The following LRP1B variants were observed in gnomAD, a reference collection of about 807,000 sequenced individuals.
LRP1B encodes low-density lipoprotein receptor-related protein 1B.
Under a neutral mutation model 556.6 loss-of-function variants are expected in LRP1B, and 217 were observed. The ratio of observed to expected loss-of-function variants is 0.39; its 90% CI spans 0.35 to 0.44. The LOEUF is 0.44. LRP1B is among the 20% of genes least tolerant of loss of function. The pLI is 1.00. For missense variants in LRP1B, 5,053 were observed against 5,620.8 expected, an observed-to-expected ratio of 0.90 and a Z score of 3.23; for synonymous variants, 2,047 against 1,865.8, an observed-to-expected ratio of 1.10 and a Z score of -2.50.
At chr2:141,162,457 T>C (rs902337015) in intron 7 of LRP1B, among the ~76,000 whole-genome samples, 4 of 152,112 alleles carry the variant, frequency 2.6e-5, no homozygotes, top group African/African-American at 9.7e-5. Context: ...TTTTCAATGA[T>C]GTCTGAAAAC....
intron 45 of LRP1B, among the ~76,000 whole-genome samples, chr2:140,538,925 T>C (rs1680030993): frequency 6.6e-6 from 1 of 152,194 alleles, no homozygotes; most frequent in Non-Finnish European, 1.5e-5. Flanking sequence ...TTTTACATTA[T>C]GCAAAAACAA....
intron 6 of LRP1B, among the ~76,000 whole-genome samples, chr2:141,222,400 C>T (rs1683083612): frequency 3.3e-5 from 5 of 152,098 alleles, no homozygotes; most frequent in African/African-American, 1.2e-4. Context: ...AGCCTACCAA[C>T]CAAAAAACTG....
chr2:141,855,068 A>G (rs2105780635), intron 1 of LRP1B, among the ~76,000 whole-genome samples: 1 of 152,150 alleles, frequency 6.6e-6, no homozygotes, highest in Non-Finnish European at 1.5e-5. Context: ...TTTCTTTCAA[A>G]GGCAAGGTGT....
intron 43 of LRP1B, among the ~76,000 whole-genome samples, chr2:140,574,632 G>A (rs910035138): frequency 3.3e-5 from 5 of 152,058 alleles, no homozygotes; most frequent in Non-Finnish European, 4.4e-5. Context: ...TTACAATTTG[G>A]CAGCTGCCAG....
At chr2:140,817,955 C>T (rs566916017) in intron 31 of LRP1B, among the ~76,000 whole-genome samples, 1 of 152,254 alleles carries the variant, frequency 6.6e-6, no homozygotes, top group African/African-American at 2.4e-5. Flanking sequence ...CCCCAGTCCA[C>T]AAAATTTCAG....
chr2:141,079,733 G>C (rs1699878701), intron 7 of LRP1B, among the ~76,000 whole-genome samples: 3 of 152,198 alleles, frequency 2.0e-5, no homozygotes, highest in Admixed American at 1.3e-4. Context: ...CTGGATTCAG[G>C]AAAATTAATT....
intron 2 of LRP1B, among the ~76,000 whole-genome samples, chr2:141,481,614 A>C (rs907284391): frequency 3.9e-5 from 6 of 152,200 alleles, no homozygotes; most frequent in Non-Finnish European, 8.8e-5. Flanking sequence ...TGTGAATGTC[A>C]ACAGTTATTG....
chr2:140,642,923 ACT>A (rs1452652171), intron 41 of LRP1B, among the ~76,000 whole-genome samples: 9 of 151,912 alleles, frequency 5.9e-5, no homozygotes, highest in Non-Finnish European at 1.2e-4. Flanking sequence ...ATCTTTTGTG[ACT>A]CTCTGTTCAT....
intron 37 of LRP1B, among the ~76,000 whole-genome samples, chr2:140,705,612 G>T (rs1686810069): frequency 7.2e-6 from 1 of 139,110 alleles, no homozygotes; most frequent in Non-Finnish European, 1.5e-5. Context: ...CTCTGAGAAA[G>T]AAGTCACTCT....
chr2:140,882,892 C>A lies in LRP1B; in HGVS notation c.4169+925G>T, dbSNP rs576883837. On this transcript the variant is annotated intron_variant, in intron 25 of 90. Coordinates refer to ENST00000389484, the MANE Select transcript of LRP1B (RefSeq NM_018557.3). ...CTGGACTTGATATTACCTAAAGGTA[C>A]AAACCTCCTAAAGAATTCCTTTCTG... 2.0e-5 allele frequency among the ~76,000 whole-genome samples: 3 copies of A among 152,298 alleles called. No homozygotes were observed. In the East Asian group the frequency reaches 5.8e-4, roughly 29 times the overall value.
intron 71 of LRP1B, among the ~76,000 whole-genome samples, chr2:140,367,863 A>G (rs1001486106): frequency 3.3e-5 from 5 of 151,812 alleles, no homozygotes; most frequent in African/African-American, 1.2e-4. Context: ...AGAAAACTCT[A>G]TTTGTATCAT....
At chr2:141,696,740 A>G (rs1161442490) in intron 2 of LRP1B, among the ~76,000 whole-genome samples, 2 of 151,986 alleles carry the variant, frequency 1.3e-5, no homozygotes, top group African/African-American at 4.8e-5. Context: ...GAGAGATTCA[A>G]TTTTGAGGGA....
In LRP1B at chr2:140,750,996, T is replaced by C. The variant is rs1355769178; in HGVS notation, c.5758+18217A>G. On this transcript the variant is annotated intron_variant, in intron 35 of 90. Transcript: ENST00000389484. Reference sequence around the variant, plus strand: ...AGTTATAACTCTTTTTTTTTCTTTTTTTTTTTTTTTTTTGAGATGAAGTCT... The same window carrying C: ...AGTTATAACTCTTTTTTTTTCTTTTCTTTTTTTTTTTTTGAGATGAAGTCT... Among the ~76,000 whole-genome samples, 2 of 146,836 alleles carry C rather than the reference T, an allele frequency of 1.4e-5. 1 individual carries two copies. The highest frequency in any genetic ancestry group is 3.0e-5 in the Non-Finnish European group (2 of 66,692).
intron 84 of LRP1B, among the ~76,000 whole-genome samples, chr2:140,276,997 AGATTT>A (rs1011969173): frequency 3.3e-5 from 5 of 151,976 alleles, no homozygotes; most frequent in Admixed American, 2.0e-4. Context: ...ACTTGTAAAT[AGATTT>A]GATTTGACCA....
intron 2 of LRP1B, among the ~76,000 whole-genome samples, chr2:141,777,631 T>C (rs1472199423): frequency 6.6e-6 from 1 of 152,056 alleles, no homozygotes; most frequent in Non-Finnish European, 1.5e-5. Context: ...GCCAGGCTAG[T>C]CTCAAACTCC....
intron 1 of LRP1B, among the ~76,000 whole-genome samples, chr2:142,115,476 A>G (rs1461613876): frequency 4.8e-5 from 3 of 62,434 alleles, no homozygotes; most frequent in Non-Finnish European, 7.1e-5. Context: ...TATATTACAT[A>G]CATATAATAT....
intron 15 of LRP1B, among the ~76,000 whole-genome samples, chr2:140,994,679 T>C (rs1270193468): frequency 1.3e-5 from 2 of 152,002 alleles, no homozygotes; most frequent in African/African-American, 4.8e-5. Context: ...TAGACTATAG[T>C]AACCATTTCA....
In LRP1B at chr2:141,897,884, A is replaced by G. The variant is rs1217467078; in HGVS notation, c.83-87483T>C. ...TACATGTGCAAAAAGGATTGTGCATACACACACACGTGCACACACTTACAT... is the reference window on the plus strand; with the variant it reads ...TACATGTGCAAAAAGGATTGTGCATGCACACACACGTGCACACACTTACAT... On this transcript the variant is annotated intron_variant, in intron 1 of 90. Transcript: ENST00000389484. Among the ~76,000 whole-genome samples the G allele has an allele frequency of 2.0e-5, 3 of 152,126 alleles. 1 individual carries two copies. Among genetic ancestry groups the G allele is most frequent in the Non-Finnish European group, 4.4e-5 (3 of 68,030 alleles).
intron 25 of LRP1B, among the ~76,000 whole-genome samples, chr2:140,870,535 C>A (rs1323693258): frequency 6.6e-6 from 1 of 152,060 alleles, no homozygotes; most frequent in Non-Finnish European, 1.5e-5. Flanking sequence ...AATTTGCTGC[C>A]AGTTTATTTC....
Sources: gnomAD v4.1 joint callset for allele counts (sites outside exome capture counted in the v4.1 genomes callset) on GRCh38, gnomAD v4.1.1 for gene constraint, MANE v1.5 for transcripts, NCBI Gene and HGNC (gene_info 2026-07-23, HGNC 2026-07-21) for gene names.